The following MSR1 variants were observed in gnomAD, a reference collection of about 807,000 sequenced individuals.
MSR1 encodes macrophage scavenger receptor types I and II.
Under a neutral mutation model 47.2 loss-of-function variants are expected in MSR1, and 53 were observed. That is an observed-to-expected ratio of 1.12 (90% CI 0.90 to 1.41). The LOEUF is 1.41. Ranked by LOEUF, MSR1 falls within the 40% of genes most tolerant of loss-of-function variation. MSR1 has a pLI of 0.00. For synonymous variants in MSR1, 239 were observed against 185.6 expected (o/e 1.29, Z -2.34); for missense variants, 786 against 546.9 (o/e 1.44, Z -4.36).
At chr8:16,178,676 C>A (rs33934232) in intron 1 of MSR1, among the ~76,000 whole-genome samples, 31,424 of 152,060 alleles carry the variant, frequency 0.21, 4,271 homozygotes, top group East Asian at 0.54. Context: ...TGAGGAATTG[C>A]CACACTGACT....
At chr8:16,148,833 G>T (rs535815607) in intron 7 of MSR1, among the ~76,000 whole-genome samples, 3 of 152,118 alleles carry the variant, frequency 2.0e-5, no homozygotes, top group Non-Finnish European at 4.4e-5. Context: ...CCATAAAATG[G>T]AATACTATTG....
intron 7 of MSR1, 95 bp from the exon 8 acceptor site, chr8:16,143,706 AAT>A (rs1554466943): frequency 1.2e-5 from 10 of 842,620 alleles, no homozygotes; most frequent in African/African-American, 7.2e-5. Context: ...ATTAAAATAT[AAT>A]AGAATGGACA....
Position 16,155,053 on chromosome 8 carries a change from A to G in MSR1, c.898+11T>C, listed in dbSNP as rs1022409781. On this transcript the variant is annotated intron_variant, in intron 6 of 9. Transcript: ENST00000262101. The stretch of plus-strand genomic sequence containing the variant: ...TCACAGTATATGATTAAATAGCTAA[A>G]ATTACCATACCTATTGGACCTGGAA... The G allele has an allele frequency of 1.9e-6, 3 of 1,604,878 alleles. No individual in the cohort carries two copies. In the African/African-American group the frequency reaches 4.0e-5, roughly 21 times the overall value.
chr8:16,179,845 C>G (rs1459334894), intron 1 of MSR1, among the ~76,000 whole-genome samples: 1 of 129,250 alleles, frequency 7.7e-6, no homozygotes, highest in Non-Finnish European at 1.5e-5. Context: ...CCGCTGAACT[C>G]TAGCCCGGGC....
At chr8:16,145,203 C>T (rs1166287018) in intron 7 of MSR1, among the ~76,000 whole-genome samples, 22 of 151,936 alleles carry the variant, frequency 1.4e-4, no homozygotes, top group Admixed American at 1.4e-3. Context: ...TCATTAAATT[C>T]ATTTCTTAAT....
chr8:16,117,399 C>T (rs757721029), intron 9 of MSR1, among the ~76,000 whole-genome samples: 1 of 152,080 alleles, frequency 6.6e-6, no homozygotes, highest in Non-Finnish European at 1.5e-5. Context: ...GGTGTGACGG[C>T]ACAGAGACAA....
intron 1 of MSR1, among the ~76,000 whole-genome samples, chr8:16,179,602 G>A (rs887882339): frequency 3.3e-5 from 5 of 151,888 alleles, no homozygotes; most frequent in Non-Finnish European, 5.9e-5. Context: ...TTTATTGGCC[G>A]GGCACAGTGG....
At chr8:16,135,994 GA>G (rs138011399) in intron 8 of MSR1, among the ~76,000 whole-genome samples, 5,277 of 152,222 alleles carry the variant, frequency 0.035, 160 homozygotes, top group South Asian at 0.07. Flanking sequence ...GATGAGCAAA[GA>G]AAGGGTTTTT....
intron 8 of MSR1, chr8:16,140,681 TG>T: frequency 7.7e-7 from 1 of 1,295,888 alleles, no homozygotes; most frequent in Non-Finnish European, 9.8e-7. Flanking sequence ...TCTAGGTCAA[TG>T]GGTGGCAGAG....
At chr8:16,186,833 C>G (rs560161192) in intron 1 of MSR1, among the ~76,000 whole-genome samples, 57 of 149,996 alleles carry the variant, frequency 3.8e-4, no homozygotes, top group African/African-American at 1.3e-3. Flanking sequence ...AGGCTGATCT[C>G]AAACTCTTTA....
intron 5 of MSR1, among the ~76,000 whole-genome samples, chr8:16,162,671 T>C (rs1373221232): frequency 2.0e-5 from 3 of 151,968 alleles, no homozygotes; most frequent in South Asian, 2.1e-4. Context: ...TTGCTGAAGA[T>C]TTTATAGAAT....
At chr8:16,168,008 C>G (rs953153243) in intron 4 of MSR1, among the ~76,000 whole-genome samples, 1 of 152,102 alleles carries the variant, frequency 6.6e-6, no homozygotes, top group Non-Finnish European at 1.5e-5. Context: ...ATACCATTGT[C>G]TTCTGACACC....
intron 9 of MSR1, among the ~76,000 whole-genome samples, chr8:16,113,410 T>A (rs1287699208): frequency 6.6e-6 from 1 of 152,184 alleles, no homozygotes; most frequent in Non-Finnish European, 1.5e-5. Context: ...AGCTGCTGAA[T>A]AGATAAATGG....
rs573539926 is a variant in MSR1, at chr8:16,182,957, C to A, written c.-4-4965G>T. On this transcript the variant is annotated intron_variant, in intron 1 of 9. Coordinates refer to ENST00000262101, the MANE Select transcript of MSR1 (RefSeq NM_138715.3). ...TTTAAATGACTGGCAGAGCAGTAGG[C>A]TTGTTTACACCAGCATCACCACAAA... Among the ~76,000 whole-genome samples, 4 of 152,220 alleles carry A rather than the reference C, an allele frequency of 2.6e-5. No individual in the cohort carries two copies. In the South Asian group the frequency reaches 8.3e-4, roughly 32 times the overall value.
chr8:16,183,621 TATATATAATATATA>T (rs1801904832), intron 1 of MSR1, among the ~76,000 whole-genome samples: 2 of 89,258 alleles, frequency 2.2e-5, no homozygotes, highest in Admixed American at 3.5e-4. Context: ...AAATATATAA[TATATATAATATATA>T]ATATAATAAA....
At position 16,150,253 on chromosome 8, in the gene MSR1, G is replaced by A; in HGVS notation, c.957C>T (p.Leu319=). ...GAIGFPGSRG[L]PGYAGRPGNS... ...TACCTGGCCTTCCGGCATATCCTGG[G>A]AGTCCTCGACTTCCAGGAAAGCCAA... is the stretch of plus-strand genomic sequence containing the variant. The change falls in exon 7 of 10, where the codon CTC becomes CTT. Residue 319 remains leucine (L), a synonymous_variant. Coordinates refer to ENST00000262101, the MANE Select transcript of MSR1 (RefSeq NM_138715.3). 1 of 1,559,996 alleles carries A rather than the reference G, an allele frequency of 6.4e-7. No homozygotes were observed. Among genetic ancestry groups the A allele is most frequent in the Non-Finnish European group, 8.7e-7 (1 of 1,149,738 alleles).
At chr8:16,167,920 G>C (rs34035601) in intron 4 of MSR1, among the ~76,000 whole-genome samples, 1,622 of 152,222 alleles carry the variant, frequency 0.011, 30 homozygotes, top group African/African-American at 0.037. Context: ...ATAGATTTTA[G>C]ACGTGACATG....
intron 8 of MSR1, among the ~76,000 whole-genome samples, chr8:16,138,458 A>G (rs753433631): frequency 1.3e-5 from 2 of 152,192 alleles, no homozygotes; most frequent in Non-Finnish European, 2.9e-5. Flanking sequence ...CAATAATTTG[A>G]ACAGGGCATT....
At chr8:16,147,433 G>A (rs540352260) in intron 7 of MSR1, among the ~76,000 whole-genome samples, 1 of 152,082 alleles carries the variant, frequency 6.6e-6, no homozygotes, top group Non-Finnish European at 1.5e-5. Flanking sequence ...GATGGAGGAT[G>A]TTCTTTTTGA....
Sources: gnomAD v4.1 joint callset for allele counts (sites outside exome capture counted in the v4.1 genomes callset) on GRCh38, gnomAD v4.1.1 for gene constraint, MANE v1.5 for transcripts, NCBI Gene and HGNC (gene_info 2026-07-23, HGNC 2026-07-21) for gene names.